Variants in CDH2 observed in about 807,000 individuals in gnomAD.
CDH2 encodes the protein cadherin-2.
Under a neutral mutation model 92.0 loss-of-function variants are expected in CDH2, and 17 were observed. The observed-to-expected ratio is 0.18, with a 90% confidence interval of 0.13 to 0.28. The LOEUF is 0.28. CDH2 is among the 10% of genes least tolerant of loss of function. The probability of loss-of-function intolerance (pLI) is 1.00; values close to 1 mark genes in which losing one functional copy is unlikely to be tolerated. For synonymous variants in CDH2, 419 were observed against 415.9 expected, an observed-to-expected ratio of 1.01 and a Z score of -0.09; for missense variants, 862 against 1,133.1, an observed-to-expected ratio of 0.76 and a Z score of 3.44.
At chr18:28,126,749 A>C (rs1292839717) in intron 2 of CDH2, among the ~76,000 whole-genome samples, 6 of 152,186 alleles carry the variant, frequency 3.9e-5, no homozygotes, top group African/African-American at 1.4e-4. Context: ...TTGACACAGA[A>C]GATAGAGATG....
chr18:28,105,480 C>T (rs1436499853), intron 2 of CDH2, among the ~76,000 whole-genome samples: 1 of 152,148 alleles, frequency 6.6e-6, no homozygotes, highest in African/African-American at 2.4e-5. Flanking sequence ...TTCTGGAATA[C>T]TTCCAAATTC....
Position 28,131,735 on chromosome 18 carries a change from C to T in CDH2, c.172+15938G>A, listed in dbSNP as rs2015774932. On this transcript the variant is annotated intron_variant, in intron 2 of 15. Transcript: ENST00000269141. Reference sequence around the variant, plus strand: ...CCTGAAATAGTGTGATCCTACAGCTCAGTTAAAATTTCATCTTACCTACTA... The same window carrying T: ...CCTGAAATAGTGTGATCCTACAGCTTAGTTAAAATTTCATCTTACCTACTA... Among the ~76,000 whole-genome samples, 4 of 150,060 alleles carry T rather than the reference C, an allele frequency of 2.7e-5. No homozygotes were observed. In the South Asian group the frequency reaches 8.4e-4, roughly 32 times the overall value.
chr18:28,015,829 T>A (rs928347553), intron 2 of CDH2, among the ~76,000 whole-genome samples: 5 of 152,218 alleles, frequency 3.3e-5, no homozygotes, highest in African/African-American at 1.2e-4. Context: ...TTAAAATCTG[T>A]AACATTATAT....
At chr18:27,970,609 T>C (rs1419828762) in intron 14 of CDH2, among the ~76,000 whole-genome samples, 1 of 152,212 alleles carries the variant, frequency 6.6e-6, no homozygotes, top group Non-Finnish European at 1.5e-5. Flanking sequence ...GGCTCCATCA[T>C]ATTTTAACTG....
At chr18:27,966,536 T>C (rs1464519232) in intron 14 of CDH2, among the ~76,000 whole-genome samples, 2 of 152,128 alleles carry the variant, frequency 1.3e-5, no homozygotes, top group African/African-American at 4.8e-5. Flanking sequence ...TAGCAGACTT[T>C]TAAATATATT....
chr18:28,111,476 A>G (rs1366587459), intron 2 of CDH2, among the ~76,000 whole-genome samples: 1 of 152,230 alleles, frequency 6.6e-6, no homozygotes, highest in East Asian at 1.9e-4. Context: ...ACTCCGTCCT[A>G]TAATTTGTGG....
At chr18:27,961,856 T>C (rs1029784937) in intron 15 of CDH2, among the ~76,000 whole-genome samples, 7 of 152,068 alleles carry the variant, frequency 4.6e-5, no homozygotes, top group South Asian at 2.1e-4. Context: ...TCCCAGCACA[T>C]TGGGAGTCTG....
chr18:27,948,848 A>G (rs1909340787), downstream of CDH2, among the ~76,000 whole-genome samples: 1 of 151,944 alleles, frequency 6.6e-6, no homozygotes, highest in Non-Finnish European at 1.5e-5. Flanking sequence ...CATAGTTTTT[A>G]GAGAAATTTG....
intron 2 of CDH2, among the ~76,000 whole-genome samples, chr18:28,066,078 C>G (rs1249339378): frequency 6.6e-6 from 1 of 152,182 alleles, no homozygotes; most frequent in Non-Finnish European, 1.5e-5. Context: ...CATTCTACGA[C>G]TTGCGTGTTC....
intron 2 of CDH2, among the ~76,000 whole-genome samples, chr18:28,088,420 AT>A (rs912082841): frequency 5.3e-5 from 8 of 152,172 alleles, no homozygotes; most frequent in African/African-American, 1.7e-4. Context: ...TTGAACCATA[AT>A]TTTTTTCATT....
chr18:27,994,581 A>G (rs1214945449), intron 7 of CDH2, among the ~76,000 whole-genome samples: 1 of 152,240 alleles, frequency 6.6e-6, no homozygotes, highest in Non-Finnish European at 1.5e-5. Flanking sequence ...CAGATAGATC[A>G]AAAACAGTGA....
intron 2 of CDH2, among the ~76,000 whole-genome samples, chr18:28,117,273 C>G (rs1409411594): frequency 6.6e-6 from 1 of 152,064 alleles, no homozygotes; most frequent in Non-Finnish European, 1.5e-5. Context: ...ATCCATATGG[C>G]CAGACATGTG....
chr18:28,147,816 G>T (rs1598508291), intron 1 of CDH2, 32 bp from the exon 2 acceptor site: 1 of 1,148,856 alleles, frequency 8.7e-7, no homozygotes, highest in Non-Finnish European at 1.3e-6. Flanking sequence ...AAAAATGTGT[G>T]CAATGATTGC....
chr18:28,103,685 T>C (rs1277667391), intron 2 of CDH2, among the ~76,000 whole-genome samples: 3 of 151,796 alleles, frequency 2.0e-5, no homozygotes, highest in Admixed American at 6.6e-5. Context: ...CAGTGTGTGA[T>C]GTTCCCCTCC....
intron 2 of CDH2, among the ~76,000 whole-genome samples, chr18:28,127,663 T>C (rs2015700494): frequency 6.6e-6 from 1 of 152,090 alleles, no homozygotes; most frequent in Admixed American, 6.6e-5. Context: ...TACTTATGAA[T>C]ACAACTACAT....
chr18:28,105,966 G>GA (rs1179414573), intron 2 of CDH2, among the ~76,000 whole-genome samples: 3 of 152,136 alleles, frequency 2.0e-5, no homozygotes, highest in Admixed American at 6.5e-5. Flanking sequence ...TAATAGATAC[G>GA]AATTGAGTAG....
chr18:28,017,984 T>C (rs2013300025), intron 2 of CDH2, among the ~76,000 whole-genome samples: 1 of 152,150 alleles, frequency 6.6e-6, no homozygotes, highest in African/African-American at 2.4e-5. Flanking sequence ...TGTCGCTGTT[T>C]GCTGAAGACA....
intron 2 of CDH2, among the ~76,000 whole-genome samples, chr18:28,072,305 G>A (rs901664634): frequency 4.6e-5 from 7 of 151,970 alleles, no homozygotes; most frequent in Non-Finnish European, 2.9e-5. Flanking sequence ...TTATGTGACC[G>A]CCATACCACA....
intron 2 of CDH2, among the ~76,000 whole-genome samples, chr18:28,030,918 G>A (rs565172657): frequency 6.6e-6 from 1 of 151,948 alleles, no homozygotes; most frequent in East Asian, 1.9e-4. Context: ...TCCCATTGAT[G>A]ACTCCCTCTC....
Sources: gnomAD v4.1 joint callset for allele counts (sites outside exome capture counted in the v4.1 genomes callset) on GRCh38, gnomAD v4.1.1 for gene constraint, MANE v1.5 for transcripts, NCBI Gene and HGNC (gene_info 2026-07-23, HGNC 2026-07-21) for gene names.